The following WFS1 variants were observed in gnomAD, a reference collection of about 807,000 sequenced individuals.
WFS1 encodes the protein wolframin ER transmembrane glycoprotein, also known as wolframin.
WFS1 carries 90 observed loss-of-function variants against 68.5 expected under a neutral mutation model. The observed-to-expected ratio is 1.31, with a 90% confidence interval of 1.11 to 1.56. The LOEUF (loss-of-function observed/expected upper bound fraction) is 1.56. Among genes scored for constraint, WFS1 ranks in the 40% most tolerant of loss-of-function variants. WFS1 has a pLI of 0.00. For synonymous variants in WFS1, 860 were observed against 540.7 expected (o/e 1.59, Z -8.19); for missense variants, 1,767 against 1,232.6 (o/e 1.43, Z -6.49).
At position 6,301,640 on chromosome 4, in the gene WFS1, G is replaced by A. The variant is rs1479789223; in HGVS notation, c.1845G>A (p.Lys615=). The A allele has an allele frequency of 6.2e-7, 1 of 1,614,122 alleles. No individual in the cohort carries two copies. The highest frequency in any genetic ancestry group is 8.5e-7 in the Non-Finnish European group (1 of 1,180,004). The change falls in exon 8 of 8, where the codon AAG becomes AAA. Residue 615 remains lysine (K), a synonymous_variant. Coordinates refer to ENST00000226760, the MANE Select transcript of WFS1 (RefSeq NM_006005.3). ...SVPLLLRWWT[K]ASFSVVGMVK... is the part of the protein sequence containing the mutation. ...CCCTGCTGTTGCGCTGGTGGACCAAGGCCAGCTTCTCTGTGGTGGGGATGG... is the reference window on the plus strand; with the variant it reads ...CCCTGCTGTTGCGCTGGTGGACCAAAGCCAGCTTCTCTGTGGTGGGGATGG...
chr4:6,291,847 T>C, intron 5 of WFS1, 70 bp from the exon 6 acceptor site: 3 of 1,509,658 alleles, frequency 2.0e-6, no homozygotes, highest in Non-Finnish European at 2.7e-6. Flanking sequence ...GTGCGCCAGT[T>C]TCTGGTGGGC....
intron 2 of WFS1, among the ~76,000 whole-genome samples, chr4:6,279,686 C>T (rs765201663): frequency 1.3e-5 from 2 of 152,184 alleles, no homozygotes; most frequent in Non-Finnish European, 2.9e-5. Flanking sequence ...CATTCTGGGG[C>T]TCATGTAGCG....
intron 2 of WFS1, among the ~76,000 whole-genome samples, chr4:6,285,486 G>A (rs1358291046): frequency 6.6e-6 from 1 of 152,136 alleles, no homozygotes; most frequent in East Asian, 1.9e-4. Flanking sequence ...CTGACCACGA[G>A]AGCTTGTGAA....
chr4:6,289,476 T>A (rs940779827), intron 4 of WFS1, among the ~76,000 whole-genome samples: 2 of 152,246 alleles, frequency 1.3e-5, no homozygotes, highest in African/African-American at 4.8e-5. Flanking sequence ...GACTGTAATG[T>A]GGCCTGCAGT....
Position 6,289,168 on chromosome 4 carries a change from G to A in WFS1, c.460+37G>A, listed in dbSNP as rs1336937875. ...TGAGGCTTAGAACAGCCTCTGGAGG[G>A]TTGAGCAGCTTGTAATGCTGCTTGC... On this transcript the variant is annotated intron_variant, in intron 4 of 7. Transcript: ENST00000226760. 4 of 1,548,386 alleles carry A rather than the reference G, an allele frequency of 2.6e-6. No individual in the cohort carries two copies. In the African/African-American group the frequency reaches 5.5e-5, roughly 21 times the overall value.
rs945435424 is a variant in WFS1, at chr4:6,283,304, T to C, written c.233-3789T>C. Among the ~76,000 whole-genome samples, 1 of 152,224 alleles carries C rather than the reference T, an allele frequency of 6.6e-6. No homozygotes were observed. Among genetic ancestry groups the C allele is most frequent in the African/African-American group, 2.4e-5 (1 of 41,454 alleles). The stretch of plus-strand genomic sequence containing the variant: ...CTCTGATCACACTGCTATTTTGTGA[T>C]TGATAGGCAGACTTTCAAAGAATGA... On this transcript the variant is annotated intron_variant, in intron 2 of 7. Transcript: ENST00000226760. The surrounding 1 kb of genome is among the most constrained non-coding windows in gnomAD (Gnocchi z 5.0).
At chr4:6,292,288 C>G (rs71539665) in intron 6 of WFS1, among the ~76,000 whole-genome samples, 2 of 152,124 alleles carry the variant, frequency 1.3e-5, no homozygotes. Flanking sequence ...TGTGCCAGTC[C>G]CTCTTGGACA....
Position 6,301,997 on chromosome 4 carries a change from CTACGGCGAGGCCTA to C in WFS1, c.2203_2216del (p.Tyr735ProfsTer19). 1 of 1,612,698 alleles carries C rather than the reference CTACGGCGAGGCCTA, an allele frequency of 6.2e-7. No individual in the cohort carries two copies. The highest frequency in any genetic ancestry group is 1.3e-5 in the African/African-American group (1 of 75,060). ...TCATCGGCGACTGGATGCGCTGCCT[CTACGGCGAGGCCTA>C]CCCTGCCTGCAGCCCTGGCAACACC... is the stretch of plus-strand genomic sequence containing the variant. On this transcript the variant is annotated frameshift_variant, in exon 8 of 8. Coordinates refer to ENST00000226760, the MANE Select transcript of WFS1 (RefSeq NM_006005.3). LOFTEE classifies it high-confidence loss of function.
Position 6,301,474 on chromosome 4 carries a change from C to T in WFS1, c.1679C>T (p.Ser560Phe), listed in dbSNP as rs1247322510. 6.2e-7 allele frequency: 1 copy of T among 1,613,032 alleles called. No homozygotes were observed. Among genetic ancestry groups the T allele is most frequent in the Non-Finnish European group, 8.5e-7 (1 of 1,180,036 alleles). ...ACCGGCCTGGGGCTGCTCCGCGCCTCCATCGGCTACTTCCTCTTCCTCTTT... is the reference window on the plus strand; with the variant it reads ...ACCGGCCTGGGGCTGCTCCGCGCCTTCATCGGCTACTTCCTCTTCCTCTTT... ...ESTGLGLLRA[S>F]IGYFLFLFAL... Residue 560 changes from serine (S) to phenylalanine (F), a missense_variant, in exon 8 of 8, where the codon TCC becomes TTC. Ser to Phe is a radical substitution (Grantham distance 155, BLOSUM62 -2). Transcript: ENST00000226760.
At chr4:6,271,016 C>G (rs1261405042) in intron 1 of WFS1, among the ~76,000 whole-genome samples, 4 of 152,220 alleles carry the variant, frequency 2.6e-5, no homozygotes, top group Admixed American at 1.3e-4. Context: ...TGGCCCAGGG[C>G]TTTGCAGTTT....
intron 2 of WFS1, among the ~76,000 whole-genome samples, chr4:6,281,790 G>A (rs1184216017): frequency 6.6e-6 from 1 of 152,152 alleles, no homozygotes; most frequent in Non-Finnish European, 1.5e-5. Context: ...CAGCTGTCAC[G>A]CCTGTTCTTT....
At position 6,269,910 on chromosome 4, in the gene WFS1, G is replaced by C. The variant is rs1377083835; in HGVS notation, c.-110G>C. 6.6e-6 allele frequency: 1 copy of C among 152,050 alleles called. No individual in the cohort carries two copies. The allele number at this position is 152,050 out of a possible 1,614,324, so 9.4% of individuals were successfully genotyped here. ...GAGTGCAGATTGCTCCCCCGCGGCCGCAGATCTCCCGTTTGCGCCGCGTTC... is the reference window on the plus strand; with the variant it reads ...GAGTGCAGATTGCTCCCCCGCGGCCCCAGATCTCCCGTTTGCGCCGCGTTC... On this transcript the variant is annotated 5_prime_UTR_variant, in exon 1 of 8. Coordinates refer to ENST00000226760, the MANE Select transcript of WFS1 (RefSeq NM_006005.3).
chr4:6,301,335 CTCT>C lies in WFS1; in HGVS notation c.1546_1548del (p.Phe516del), dbSNP rs777904670. ...CCTGCTCTATGTCTACCTGCTCTATCTCTTCTTCCGCATGGCACAGCTGAGGAA... is the reference window on the plus strand; with the variant it reads ...CCTGCTCTATGTCTACCTGCTCTATCTCTTCCGCATGGCACAGCTGAGGAA... On this transcript the variant is annotated inframe_deletion, in exon 8 of 8. Coordinates refer to ENST00000226760, the MANE Select transcript of WFS1 (RefSeq NM_006005.3). 1.2e-6 allele frequency: 2 copies of C among 1,612,104 alleles called. No individual in the cohort carries two copies. Among genetic ancestry groups the C allele is most frequent in the Non-Finnish European group, 1.7e-6 (2 of 1,179,992 alleles).
At chr4:6,290,647 A>C (rs1730434369) in intron 4 of WFS1, among the ~76,000 whole-genome samples, 2 of 152,246 alleles carry the variant, frequency 1.3e-5, no homozygotes, top group Non-Finnish European at 2.9e-5. Context: ...CCAGTGTCCC[A>C]GGCCGTTGGG....
At position 6,300,632 on chromosome 4, in the gene WFS1, T is replaced by C. The variant is rs535386037; in HGVS notation, c.862-25T>C. The C allele has an allele frequency of 3.8e-5, 61 of 1,613,662 alleles. No individual in the cohort carries two copies. The East Asian group carries it at 1.2e-3, about 33-fold the overall frequency. The stretch of plus-strand genomic sequence containing the variant: ...CAGTGGGGGTCCTGTCCCAGCCTCG[T>C]TCCCACGTACCATCTTTCCCCCAGG... On this transcript the variant is annotated intron_variant, in intron 7 of 7. Transcript: ENST00000226760.
Position 6,300,595 on chromosome 4 carries a change from G to A in WFS1, c.862-62G>A, listed in dbSNP as rs71530929. The stretch of plus-strand genomic sequence containing the variant: ...AGAGGCAGGGTGGTCAGAGGGAGGC[G>A]TGAGATGGGAGCAGTGGGGGTCCTG... On this transcript the variant is annotated intron_variant, in intron 7 of 7. Transcript: ENST00000226760. 7.4e-4 allele frequency: 1,192 copies of A among 1,609,408 alleles called. 1 individual carries two copies. Among genetic ancestry groups the A allele is most frequent in the African/African-American group, 1.1e-3 (81 of 74,896 alleles).
intron 1 of WFS1, among the ~76,000 whole-genome samples, chr4:6,275,516 C>T (rs1729966171): frequency 7.1e-6 from 1 of 140,432 alleles, no homozygotes; most frequent in Non-Finnish European, 1.5e-5. Flanking sequence ...CAAGCTTGAC[C>T]ATGCATGGTT....
At chr4:6,298,655 C>T (rs1237860321) in intron 7 of WFS1, among the ~76,000 whole-genome samples, 3 of 151,590 alleles carry the variant, frequency 2.0e-5, no homozygotes, top group Non-Finnish European at 3.0e-5. Context: ...CATGCATGCA[C>T]ACACTCATAA....
intron 2 of WFS1, among the ~76,000 whole-genome samples, chr4:6,284,532 A>G (rs1730257396): frequency 6.6e-6 from 1 of 152,020 alleles, no homozygotes; most frequent in Admixed American, 6.6e-5. Context: ...GATTTTTTTA[A>G]AAAAGGGAAG....
Sources: allele counts gnomAD v4.1 joint callset (sites outside exome capture counted in the v4.1 genomes callset), GRCh38; gene constraint gnomAD v4.1.1; non-coding constraint Gnocchi (gnomAD v3.1); transcripts MANE v1.5; gene names NCBI Gene and HGNC (gene_info 2026-07-23, HGNC 2026-07-21).